Variants in DPYD observed in about 807,000 individuals in gnomAD.
DPYD encodes the protein dihydropyrimidine dehydrogenase.
Under a neutral mutation model 116.2 loss-of-function variants are expected in DPYD, and 109 were observed. The ratio of observed to expected loss-of-function variants is 0.94; its 90% CI spans 0.80 to 1.10. The LOEUF (loss-of-function observed/expected upper bound fraction) is 1.10. Ranked by LOEUF, DPYD falls within the 50% of genes least tolerant of loss-of-function variation. DPYD has a pLI of 0.00. For synonymous variants in DPYD, 440 were observed against 432.0 expected (o/e 1.02, Z -0.23); for missense variants, 1,302 against 1,254.5 (o/e 1.04, Z -0.57).
intron 4 of DPYD, among the ~76,000 whole-genome samples, chr1:97,724,291 T>C (rs1663084374): frequency 5.9e-3 from 2 of 338 alleles, no homozygotes; most frequent in Non-Finnish European, 0.036. Context: ...ATAGGATGTA[T>C]GTGGGGGGGG....
At chr1:97,857,235 T>C (rs1011604516) in intron 2 of DPYD, among the ~76,000 whole-genome samples, 2 of 152,108 alleles carry the variant, frequency 1.3e-5, no homozygotes, top group Non-Finnish European at 2.9e-5. Context: ...AGCCTAAACA[T>C]AGAAGTGAGT....
At chr1:97,230,777 G>A (rs1661539518) in intron 19 of DPYD, among the ~76,000 whole-genome samples, 1 of 152,128 alleles carries the variant, frequency 6.6e-6, no homozygotes, top group Non-Finnish European at 1.5e-5. Context: ...GCAAGAGTAA[G>A]CCATGGAGAG....
At chr1:97,373,531 A>G (rs918561793) in intron 16 of DPYD, 30 bp downstream of exon 16, 1 of 1,600,984 alleles carries the variant, frequency 6.2e-7, no homozygotes, top group Non-Finnish European at 8.6e-7. Flanking sequence ...TCACACTGAC[A>G]TACTTAGTGG....
At chr1:97,255,343 G>C (rs1317021721) in intron 18 of DPYD, among the ~76,000 whole-genome samples, 1 of 152,152 alleles carries the variant, frequency 6.6e-6, no homozygotes, top group East Asian at 1.9e-4. Context: ...ATATGGTTTA[G>C]CTGTGTTCCC....
At chr1:97,290,041 C>A (rs1427397813) in intron 18 of DPYD, among the ~76,000 whole-genome samples, 1 of 152,134 alleles carries the variant, frequency 6.6e-6, no homozygotes, top group African/African-American at 2.4e-5. Context: ...CATTCTTATA[C>A]ACCAATAACA....
At chr1:97,689,177 T>C (rs1557884663) in intron 7 of DPYD, among the ~76,000 whole-genome samples, 3 of 151,706 alleles carry the variant, frequency 2.0e-5, no homozygotes, top group African/African-American at 7.3e-5. Context: ...TATTTGACTT[T>C]AAAAAATTAA....
intron 20 of DPYD, among the ~76,000 whole-genome samples, chr1:97,110,945 A>G (rs1190590596): frequency 6.6e-6 from 1 of 151,868 alleles, no homozygotes; most frequent in Non-Finnish European, 1.5e-5. Flanking sequence ...AGGCGGGAGG[A>G]TAACTTGAGC....
At chr1:97,481,335 T>C (rs1342215354) in intron 13 of DPYD, among the ~76,000 whole-genome samples, 4 of 152,188 alleles carry the variant, frequency 2.6e-5, no homozygotes, top group Non-Finnish European at 5.9e-5. Context: ...AGGGATGCTA[T>C]CTTATATTAT....
In DPYD at chr1:97,360,101, T is replaced by A. The variant is rs570644984; in HGVS notation, c.2058+13460A>T. 1.3e-4 allele frequency among the ~76,000 whole-genome samples: 19 copies of A among 151,798 alleles called. 1 individual carries two copies. The highest frequency in any genetic ancestry group is 3.9e-4 in the African/African-American group (16 of 41,412). On this transcript the variant is annotated intron_variant, in intron 16 of 22. Transcript: ENST00000370192. The stretch of plus-strand genomic sequence containing the variant: ...CACACATAGGCTCAAAATAAAGGGA[T>A]GGAGGAAGATCTACCAAGCAAATGG...
chr1:97,216,669 C>G (rs1428461617), intron 19 of DPYD, among the ~76,000 whole-genome samples: 1 of 151,778 alleles, frequency 6.6e-6, no homozygotes, highest in East Asian at 1.9e-4. Flanking sequence ...GTGGCGGGCA[C>G]CTGTAGTCCC....
intron 19 of DPYD, among the ~76,000 whole-genome samples, chr1:97,204,857 A>G (rs912289762): frequency 8.6e-5 from 13 of 152,006 alleles, no homozygotes; most frequent in African/African-American, 3.1e-4. Context: ...CCAGGCTTTT[A>G]TTACTTAGGT....
intron 2 of DPYD, among the ~76,000 whole-genome samples, chr1:97,879,747 C>T (rs1328848379): frequency 1.3e-5 from 2 of 151,756 alleles, no homozygotes; most frequent in Admixed American, 6.6e-5. Flanking sequence ...TTCTAAGAAG[C>T]CTATGATTTA....
intron 3 of DPYD, among the ~76,000 whole-genome samples, chr1:97,754,844 A>G (rs975510670): frequency 1.3e-5 from 2 of 152,170 alleles, no homozygotes; most frequent in African/African-American, 2.4e-5. Flanking sequence ...AGGTACATTC[A>G]TTTGTTCATT....
intron 19 of DPYD, among the ~76,000 whole-genome samples, chr1:97,224,012 A>G (rs2101897557): frequency 6.6e-6 from 1 of 152,202 alleles, no homozygotes; most frequent in African/African-American, 2.4e-5. Flanking sequence ...GAAGGTTTTT[A>G]TAAATATCAG....
intron 5 of DPYD, among the ~76,000 whole-genome samples, chr1:97,701,595 T>C (rs1356982763): frequency 1.3e-5 from 2 of 151,874 alleles, no homozygotes; most frequent in African/African-American, 4.8e-5. Context: ...GAATGAGGAA[T>C]AAAGGTGACA....
At chr1:97,694,768 G>A (rs1025585036) in intron 6 of DPYD, among the ~76,000 whole-genome samples, 4 of 152,126 alleles carry the variant, frequency 2.6e-5, no homozygotes, top group African/African-American at 9.7e-5. Flanking sequence ...TTACTAAAGT[G>A]AGTCTGTTTT....
intron 14 of DPYD, among the ~76,000 whole-genome samples, chr1:97,386,968 TA>T (rs1672382499): frequency 6.6e-6 from 1 of 151,834 alleles, no homozygotes; most frequent in Non-Finnish European, 1.5e-5. Context: ...TTTTTTTTCC[TA>T]AGAAAAAAAA....
chr1:97,378,431 A>C (rs1258142361), intron 15 of DPYD, among the ~76,000 whole-genome samples: 2 of 152,142 alleles, frequency 1.3e-5, no homozygotes, highest in Non-Finnish European at 2.9e-5. Flanking sequence ...TTAGTGTTTT[A>C]GTGTTTTATT....
chr1:97,430,492 A>T (rs1185763872), intron 14 of DPYD, among the ~76,000 whole-genome samples: 1 of 151,976 alleles, frequency 6.6e-6, no homozygotes, highest in Non-Finnish European at 1.5e-5. Flanking sequence ...ATTTTTATAG[A>T]TTATTTAGCA....
Sources: allele counts gnomAD v4.1 joint callset (sites outside exome capture counted in the v4.1 genomes callset), GRCh38; gene constraint gnomAD v4.1.1; transcripts MANE v1.5; gene names NCBI Gene and HGNC (gene_info 2026-07-23, HGNC 2026-07-21).